The following CA4 variants were observed in gnomAD, a reference collection of about 807,000 sequenced individuals.
CA4 encodes carbonic anhydrase 4.
CA4 carries 24 observed loss-of-function variants against 34.5 expected under a neutral mutation model. The ratio of observed to expected loss-of-function variants is 0.70; its 90% CI spans 0.50 to 0.98. The LOEUF (loss-of-function observed/expected upper bound fraction) is 0.98, where lower values mean the gene tolerates loss of function less well. Among genes scored for constraint, CA4 ranks in the 50% least tolerant of loss-of-function variants. The pLI is 0.00. For synonymous variants in CA4, 178 were observed against 170.6 expected (o/e 1.04, Z -0.34); for missense variants, 394 against 396.7 (o/e 0.99, Z 0.06).
At chr17:60,155,830 G>A (rs148559324) in intron 2 of CA4, among the ~76,000 whole-genome samples, 5 of 152,334 alleles carry the variant, frequency 3.3e-5, no homozygotes, top group Non-Finnish European at 7.3e-5. Context: ...GAAGAAAGGC[G>A]TTTTGCTGTT....
chr17:60,176,047 C>A, the CA4 span, among the ~76,000 whole-genome samples: 1 of 152,070 alleles, frequency 6.6e-6, no homozygotes, highest in Non-Finnish European at 1.5e-5. Flanking sequence ...AACTCTCAAC[C>A]TTAGGTGATC....
rs1193105692 is a variant in CA4, at chr17:60,150,005, G to A, written c.-30G>A. On this transcript the variant is annotated 5_prime_UTR_variant, in exon 1 of 8. Transcript: ENST00000300900. ...GCGGCCTCCTCGGTGCGCGACCCCC[G>A]GCTCAGAGGACTCTTTGCTGTCCCG... 13 of 1,590,500 alleles carry A rather than the reference G, an allele frequency of 8.2e-6. No individual in the cohort carries two copies. Among genetic ancestry groups the A allele is most frequent in the Non-Finnish European group, 1.1e-5 (13 of 1,169,870 alleles).
In CA4 at chr17:60,159,457, C is replaced by G; in HGVS notation, c.*33C>G. The stretch of plus-strand genomic sequence containing the variant: ...CTTCTGCACGCAGCCTCTCTGTTGC[C>G]TCAGCTCTCCAAGTTCCAGGCTTCC... On this transcript the variant is annotated 3_prime_UTR_variant, in exon 8 of 8. Coordinates refer to ENST00000300900, the MANE Select transcript of CA4 (RefSeq NM_000717.5). The G allele has an allele frequency of 1.2e-6, 2 of 1,603,314 alleles. No homozygotes were observed. The highest frequency in any genetic ancestry group is 1.7e-6 in the Non-Finnish European group (2 of 1,176,446).
chr17:60,161,326 G>C (rs1567734266), downstream of CA4, among the ~76,000 whole-genome samples: 2 of 152,146 alleles, frequency 1.3e-5, no homozygotes, highest in Admixed American at 1.3e-4. Flanking sequence ...GGAACTGAGG[G>C]CCCGCAGCTG....
At chr17:60,159,107 G>A in intron 7 of CA4, 123 bp from the exon 8 acceptor site, 1 of 814,774 alleles carries the variant, frequency 1.2e-6, no homozygotes, top group Non-Finnish European at 2.1e-6. Flanking sequence ...TGAGAGCCAG[G>A]GGTTCAGAGC....
At chr17:60,162,935 G>A (rs558474427), downstream of CA4, among the ~76,000 whole-genome samples, 4 of 152,278 alleles carry the variant, frequency 2.6e-5, 1 homozygote, top group South Asian at 6.2e-4. Context: ...GCAGCACCCC[G>A]TCCCACCCAT....
downstream of CA4, among the ~76,000 whole-genome samples, chr17:60,164,311 T>TCTTC (rs773464354): frequency 2.7e-5 from 4 of 150,524 alleles, no homozygotes; most frequent in Admixed American, 1.3e-4. Flanking sequence ...TCTTTCTCTT[T>TCTTC]CTTCCTTCCT....
downstream of CA4, among the ~76,000 whole-genome samples, chr17:60,171,747 A>T (rs1027540776): frequency 3.2e-4 from 48 of 152,196 alleles, no homozygotes; most frequent in African/African-American, 1.0e-3. Flanking sequence ...TGCTTTAGCT[A>T]TGGGTCCTTC....
At chr17:60,158,709 G>C in intron 7 of CA4, 1 of 546,782 alleles carries the variant, frequency 1.8e-6, no homozygotes. Context: ...CGAGGCTCTG[G>C]GGAGACAGCA....
At position 60,150,109 on chromosome 17, in the gene CA4, C is replaced by A; in HGVS notation, c.58+17C>A. On this transcript the variant is annotated intron_variant, in intron 1 of 7. Coordinates refer to ENST00000300900, the MANE Select transcript of CA4 (RefSeq NM_000717.5). ...CCAGTGCAGGTGAGCTCCCGGGCTC[C>A]GGCCCCAGGTGCCCCTCGGCGGTCC... The A allele has an allele frequency of 6.3e-7, 1 of 1,591,158 alleles. No homozygotes were observed. The highest frequency in any genetic ancestry group is 8.5e-7 in the Non-Finnish European group (1 of 1,175,362).
At chr17:60,169,250 C>CAAAAAAAAAAAAA (rs1555574043) in intron 5 of CA4, among the ~76,000 whole-genome samples, 21 of 122,892 alleles carry the variant, frequency 1.7e-4, no homozygotes, top group African/African-American at 6.5e-4. Context: ...CCCTCTGTCT[C>CAAAAAAAAAAAAA]AAAAAAAAAA....
Position 60,153,324 on chromosome 17 carries a change from C to T in CA4, c.59-1990C>T, listed in dbSNP as rs141087456. On this transcript the variant is annotated intron_variant, in intron 1 of 7. Coordinates refer to ENST00000300900, the MANE Select transcript of CA4 (RefSeq NM_000717.5). ...CTGCCCTCCAGCCTGGGCAACAGAG[C>T]GAGACTCTATCTCAATAATAATAAT... is the stretch of plus-strand genomic sequence containing the variant. Among the ~76,000 whole-genome samples, 1,019 of 152,100 alleles carry T rather than the reference C, an allele frequency of 6.7e-3. 14 individuals are homozygous for T. Among genetic ancestry groups the T allele is most frequent in the African/African-American group, 0.023 (954 of 41,484 alleles).
At chr17:60,172,931 GCTGGGAGTTCAAGACGAGC>G (rs1488204947), downstream of CA4, among the ~76,000 whole-genome samples, 2 of 151,854 alleles carry the variant, frequency 1.3e-5, no homozygotes, top group Non-Finnish European at 2.9e-5. Flanking sequence ...ATCACCTGAG[GCTGGGAGTTCAAGACGAGC>G]CTGACCAACA....
rs1336905812 is a variant in CA4, at chr17:60,159,236, G to A, written c.751G>A (p.Ala251Thr). The A allele has an allele frequency of 6.2e-7, 1 of 1,600,332 alleles. No homozygotes were observed. Among genetic ancestry groups the A allele is most frequent in the Non-Finnish European group, 8.5e-7 (1 of 1,173,498 alleles). ...AGCCCCATCACTTCCGCAGATCCTG[G>A]CATTCTCTCAGAAGCTGTACTACGA... The part of the protein sequence containing the change: ...PIQLHREQIL[A>T]FSQKLYYDKE... The change falls in exon 8 of 8, where the codon GCA becomes ACA. Residue 251 changes from alanine (A) to threonine (T), a missense_variant. Transcript: ENST00000300900.
intron 1 of CA4, 50 bp downstream of exon 1, chr17:60,150,142 GC>G: frequency 2.7e-6 from 4 of 1,459,168 alleles, no homozygotes; most frequent in African/African-American, 1.4e-5. Flanking sequence ...TCCCCTCCGT[GC>G]CCCCAGCTCC....
At chr17:60,167,060 CTTT>C (rs1801737665) in intron 5 of CA4, among the ~76,000 whole-genome samples, 1 of 152,216 alleles carries the variant, frequency 6.6e-6, no homozygotes, top group Admixed American at 6.5e-5. Flanking sequence ...CATTGTACTG[CTTT>C]TCTGAAGAAA....
At chr17:60,155,492 C>A in intron 2 of CA4, 125 bp downstream of exon 2, 24 of 640,818 alleles carry the variant, frequency 3.7e-5, no homozygotes, top group Non-Finnish European at 6.0e-5. Context: ...ATATCAGTTC[C>A]CAGCATACAC....
intron 1 of CA4, among the ~76,000 whole-genome samples, chr17:60,150,989 G>T (rs896828619): frequency 6.6e-6 from 1 of 152,236 alleles, no homozygotes; most frequent in South Asian, 2.1e-4. Flanking sequence ...TTTCCGGACA[G>T]GGTGATTTTC....
downstream of CA4, among the ~76,000 whole-genome samples, chr17:60,161,787 GCCGCC>G: frequency 6.6e-6 from 1 of 152,130 alleles, no homozygotes; most frequent in Non-Finnish European, 1.5e-5. Flanking sequence ...GCAACCGCAG[GCCGCC>G]TGTCAGCGGG....
Sources: allele counts gnomAD v4.1 joint callset (sites outside exome capture counted in the v4.1 genomes callset), GRCh38; gene constraint gnomAD v4.1.1; transcripts MANE v1.5; gene names NCBI Gene and HGNC (gene_info 2026-07-23, HGNC 2026-07-21).